MECOM: variants seen among roughly 807,000 people sequenced by gnomAD.
The protein encoded by MECOM is histone-lysine N-methyltransferase MECOM.
MECOM carries 13 observed loss-of-function variants against 116.3 expected under a neutral mutation model. That is an observed-to-expected ratio of 0.11 (90% CI 0.07 to 0.18). MECOM has a LOEUF of 0.18. MECOM is among the 10% of genes least tolerant of loss of function. The probability of loss-of-function intolerance (pLI) is 1.00; values close to 1 mark genes in which losing one functional copy is unlikely to be tolerated. For synonymous variants in MECOM, 528 were observed against 535.2 expected (o/e 0.99, Z 0.19); for missense variants, 1,299 against 1,509.0 (o/e 0.86, Z 2.31).
At chr3:169,154,098 TC>T (rs1741584237) in intron 2 of MECOM, among the ~76,000 whole-genome samples, 1 of 152,136 alleles carries the variant, frequency 6.6e-6, no homozygotes, top group African/African-American at 2.4e-5. Flanking sequence ...AAGATGTCCG[TC>T]TCTGTCTGGC....
chr3:169,639,766 T>G (rs1476992501), intron 1 of MECOM, among the ~76,000 whole-genome samples: 1 of 152,238 alleles, frequency 6.6e-6, no homozygotes, highest in Non-Finnish European at 1.5e-5. Context: ...ATAGGATATA[T>G]AATTGGCACA....
intron 2 of MECOM, among the ~76,000 whole-genome samples, chr3:169,263,265 A>C (rs912231892): frequency 5.4e-5 from 8 of 149,482 alleles, no homozygotes; most frequent in African/African-American, 2.0e-4. Flanking sequence ...AGTAGCTGGG[A>C]CTACAGGCGC....
At chr3:169,378,958 A>C (rs1731922540) in intron 2 of MECOM, among the ~76,000 whole-genome samples, 1 of 151,850 alleles carries the variant, frequency 6.6e-6, no homozygotes, top group African/African-American at 2.4e-5. Flanking sequence ...TTTTTCAAAA[A>C]TGAAGGCATA....
At chr3:169,258,468 T>C (rs1457922915) in intron 2 of MECOM, among the ~76,000 whole-genome samples, 1 of 152,226 alleles carries the variant, frequency 6.6e-6, no homozygotes, top group African/African-American at 2.4e-5. Context: ...GATGAATCCA[T>C]TAGTATTTCT....
At chr3:169,483,180 C>A (rs59665441) in intron 1 of MECOM, among the ~76,000 whole-genome samples, 10,693 of 150,542 alleles carry the variant, frequency 0.071, 658 homozygotes, top group East Asian at 0.25. Flanking sequence ...GAGTGAAAAA[C>A]CATTGTTTTA....
chr3:169,308,959 C>T (rs369727899), intron 2 of MECOM, among the ~76,000 whole-genome samples: 10 of 152,264 alleles, frequency 6.6e-5, no homozygotes, highest in African/African-American at 2.4e-4. Context: ...TGACATTCCA[C>T]CACTAAGGTT....
At chr3:169,562,139 C>CAAA (rs10714325) in intron 1 of MECOM, among the ~76,000 whole-genome samples, 1,837 of 25,158 alleles carry the variant, frequency 0.073, 63 homozygotes, top group East Asian at 0.14. Context: ...GAGCAATACT[C>CAAA]AAAAAAAAAA....
intron 7 of MECOM, among the ~76,000 whole-genome samples, chr3:169,119,009 C>T (rs1479062091): frequency 6.6e-6 from 1 of 152,196 alleles, no homozygotes; most frequent in Non-Finnish European, 1.5e-5. Flanking sequence ...GTTAACATTG[C>T]ATTTTTCTAC....
intron 1 of MECOM, among the ~76,000 whole-genome samples, chr3:169,557,165 AG>A (rs1436323875): frequency 6.6e-6 from 1 of 152,176 alleles, no homozygotes; most frequent in Non-Finnish European, 1.5e-5. Context: ...GTGTACAGTC[AG>A]GGTACCTAAT....
chr3:169,089,171 T>G lies in MECOM; in HGVS notation c.3414A>C (p.Glu1138Asp). 1 of 1,538,234 alleles carries G rather than the reference T, an allele frequency of 6.5e-7. No individual in the cohort carries two copies. Among genetic ancestry groups the G allele is most frequent in the Non-Finnish European group, 8.7e-7 (1 of 1,147,280 alleles). ...GAGCAGAAAGTCCACTTTTATATTC[T>G]TCCTCTTTATACCTAAAATGAACCA... Reference protein sequence around the residue: ...CKTSPVRYKEEEYKSGLSALD... With the variant: ...CKTSPVRYKEDEYKSGLSALD... Residue 1138 changes from glutamate to aspartate, a missense_variant, in exon 16 of 17, where the codon GAA becomes GAC. Coordinates refer to ENST00000651503, the MANE Select transcript of MECOM (RefSeq NM_004991.4).
chr3:169,220,411 C>T (rs1419424784), intron 2 of MECOM, among the ~76,000 whole-genome samples: 2 of 152,038 alleles, frequency 1.3e-5, no homozygotes, highest in Non-Finnish European at 2.9e-5. Context: ...CCTGTTCCTC[C>T]CACCTGCTAA....
At chr3:169,224,569 A>G (rs1355268309) in intron 2 of MECOM, among the ~76,000 whole-genome samples, 1 of 152,200 alleles carries the variant, frequency 6.6e-6, no homozygotes, top group South Asian at 2.1e-4. Context: ...TTCAGTCATC[A>G]TCTTCAGCTA....
rs866719673 is a variant in MECOM at position 169,143,701 on chromosome 3, A to G, written c.507T>C (p.Asp169=). ...CAAGAAAATCTTTACAACATACCTG[A>G]TCATTTATCTGGCATGCAACAAGGT... ...QHNLVACQIN[D]QIFYRVVADI... is the part of the protein sequence containing the mutation. Residue 169 remains aspartate (D), a synonymous_variant, in exon 3 of 17, where the codon GAT becomes GAC. Coordinates refer to ENST00000651503, the MANE Select transcript of MECOM (RefSeq NM_004991.4). The G allele has an allele frequency of 1.9e-6, 3 of 1,595,316 alleles. No individual in the cohort carries two copies. The highest frequency in any genetic ancestry group is 2.7e-5 in the African/African-American group (2 of 74,002).
At chr3:169,466,635 C>T (rs1918976) in intron 1 of MECOM, among the ~76,000 whole-genome samples, 2,535 of 152,068 alleles carry the variant, frequency 0.017, 64 homozygotes, top group East Asian at 0.088. Context: ...TCCTCTTTCA[C>T]TTCGGCCTCT....
intron 1 of MECOM, among the ~76,000 whole-genome samples, chr3:169,393,919 T>C (rs1451558158): frequency 6.6e-6 from 1 of 152,136 alleles, no homozygotes; most frequent in African/African-American, 2.4e-5. Flanking sequence ...CTAACTTAAA[T>C]ATATTGTGGA....
At chr3:169,501,472 A>T (rs1754514620) in intron 1 of MECOM, among the ~76,000 whole-genome samples, 1 of 151,978 alleles carries the variant, frequency 6.6e-6, no homozygotes, top group Admixed American at 6.5e-5. Context: ...AAAAACAAAC[A>T]AGAAAACCAG....
At chr3:169,176,116 A>AAC (rs1257765893) in intron 2 of MECOM, among the ~76,000 whole-genome samples, 2 of 150,154 alleles carry the variant, frequency 1.3e-5, no homozygotes, top group African/African-American at 2.5e-5. Context: ...GAGAAAAAAA[A>AAC]AACAACACAC....
At chr3:169,481,045 A>G (rs1465716921) in intron 1 of MECOM, among the ~76,000 whole-genome samples, 1 of 152,228 alleles carries the variant, frequency 6.6e-6, no homozygotes, top group African/African-American at 2.4e-5. Context: ...TAACCAGAAA[A>G]AGAATTAAAC....
At chr3:169,501,505 C>T (rs1754520643) in intron 1 of MECOM, among the ~76,000 whole-genome samples, 1 of 151,956 alleles carries the variant, frequency 6.6e-6, no homozygotes, top group Non-Finnish European at 1.5e-5. Flanking sequence ...TTGGAGGCCA[C>T]GTTTTTAACC....
Sources: allele counts gnomAD v4.1 joint callset (sites outside exome capture counted in the v4.1 genomes callset), GRCh38; gene constraint gnomAD v4.1.1; transcripts MANE v1.5; gene names NCBI Gene and HGNC (gene_info 2026-07-23, HGNC 2026-07-21).